Variants in SGK3 observed in about 807,000 individuals in gnomAD.
The protein encoded by SGK3 is serine/threonine-protein kinase Sgk3.
In SGK3, 47 loss-of-function variants were observed where a neutral mutation model predicts 68.5. The ratio of observed to expected loss-of-function variants is 0.69; its 90% CI spans 0.54 to 0.87. The LOEUF is 0.87. SGK3 is among the 40% of genes least tolerant of loss of function. SGK3 has a pLI of 0.00. For missense variants in SGK3, 479 were observed against 575.5 expected, an observed-to-expected ratio of 0.83 and a Z score of 1.72; for synonymous variants, 181 against 189.1, an observed-to-expected ratio of 0.96 and a Z score of 0.35.
At position 66,805,392 on chromosome 8, in the gene SGK3, G is replaced by A. The variant is rs538154543; in HGVS notation, c.253+945G>A. On this transcript the variant is annotated intron_variant, in intron 4 of 16. Coordinates refer to ENST00000521198, the MANE Select transcript of SGK3 (RefSeq NM_001033578.3). The stretch of plus-strand genomic sequence containing the variant: ...AAATTAGCCGGGCATGATGGTGGGC[G>A]CCTGTAGTCCCAGCTACTCGGGAGG... 2.3e-3 allele frequency among the ~76,000 whole-genome samples: 344 copies of A among 151,608 alleles called. 1 individual carries two copies. The highest frequency in any genetic ancestry group is 8.0e-3 in the African/African-American group (331 of 41,332).
intron 1 of SGK3, among the ~76,000 whole-genome samples, chr8:66,750,406 G>A (rs1464099757): frequency 1.3e-5 from 2 of 152,022 alleles, no homozygotes; most frequent in Admixed American, 6.6e-5. Context: ...TATTTGTCTA[G>A]GTGCTAGAGA....
intron 2 of SGK3, among the ~76,000 whole-genome samples, chr8:66,797,523 A>G (rs949728402): frequency 6.6e-6 from 1 of 152,164 alleles, no homozygotes; most frequent in African/African-American, 2.4e-5. Context: ...TGTCTCATGT[A>G]TAGTGGGGGG....
chr8:66,783,332 T>C (rs1452720294), intron 1 of SGK3, among the ~76,000 whole-genome samples: 1 of 152,118 alleles, frequency 6.6e-6, no homozygotes, highest in African/African-American at 2.4e-5. Context: ...GTTTAAAGAG[T>C]TTTTTGTGTA....
chr8:66,731,767 C>T (rs1242040767), intron 1 of SGK3, among the ~76,000 whole-genome samples: 1 of 152,204 alleles, frequency 6.6e-6, no homozygotes, highest in African/African-American at 2.4e-5. Context: ...ATCTCCTGAC[C>T]TCGTGATCCG....
intron 1 of SGK3, among the ~76,000 whole-genome samples, chr8:66,780,286 GTC>G (rs921045138): frequency 2.0e-5 from 3 of 152,088 alleles, no homozygotes; most frequent in Admixed American, 6.6e-5. Flanking sequence ...ATTTCTAAAC[GTC>G]TCTCTCCACC....
chr8:66,765,017 A>AT (rs1806276591), intron 1 of SGK3, among the ~76,000 whole-genome samples: 1 of 152,214 alleles, frequency 6.6e-6, no homozygotes, highest in Non-Finnish European at 1.5e-5. Flanking sequence ...GCTGTGAACA[A>AT]ACATGTGCAA....
chr8:66,804,493 T>C (rs539941040), intron 4 of SGK3, 46 bp downstream of exon 4: 1 of 1,586,046 alleles, frequency 6.3e-7, no homozygotes, highest in Non-Finnish European at 8.6e-7. Flanking sequence ...TTGTTGAAGT[T>C]TGAAGAAGTA....
chr8:66,815,994 T>A (rs1376043489), intron 5 of SGK3, among the ~76,000 whole-genome samples: 1 of 151,620 alleles, frequency 6.6e-6, no homozygotes, highest in Admixed American at 6.6e-5. Context: ...TAGTCAAGAG[T>A]TTTTTAAACT....
chr8:66,845,215 A>G (rs1187991073), intron 14 of SGK3, among the ~76,000 whole-genome samples: 1 of 152,178 alleles, frequency 6.6e-6, no homozygotes, highest in Non-Finnish European at 1.5e-5. Flanking sequence ...CCTGTCCAAC[A>G]TGGCAAAACC....
intron 2 of SGK3, 78 bp from the exon 3 acceptor site, chr8:66,798,464 A>G: frequency 7.7e-7 from 1 of 1,295,948 alleles, no homozygotes; most frequent in Non-Finnish European, 1.1e-6. Context: ...AAATTAAAAC[A>G]GGTTTCATGT....
chr8:66,850,762 TAAA>T, intron 15 of SGK3, 66 bp from the exon 16 acceptor site: 1 of 1,463,768 alleles, frequency 6.8e-7, no homozygotes, highest in Non-Finnish European at 9.2e-7. Context: ...TTTGGCTTCA[TAAA>T]ATTATGCAGT....
chr8:66,787,278 C>T (rs1348034245), intron 1 of SGK3, among the ~76,000 whole-genome samples: 1 of 152,044 alleles, frequency 6.6e-6, no homozygotes, highest in East Asian at 1.9e-4. Flanking sequence ...GCATGATGAG[C>T]ACTCAATAAG....
chr8:66,825,460 C>A (rs1056753981), intron 6 of SGK3, among the ~76,000 whole-genome samples: 1 of 151,846 alleles, frequency 6.6e-6, no homozygotes, highest in East Asian at 1.9e-4. Flanking sequence ...TCCCGAGGAG[C>A]TGGGACTACA....
Position 66,850,930 on chromosome 8 carries a change from T to C in SGK3, c.1320+10T>C, listed in dbSNP as rs1810256852. On this transcript the variant is annotated intron_variant, in intron 16 of 16. Transcript: ENST00000521198. ...ATTTAATCCTAATGTGGTAAGTATA[T>C]ATCCAAATCTTTCTTTCTAGAATCG... 5.6e-6 allele frequency: 9 copies of C among 1,599,248 alleles called. No individual in the cohort carries two copies. The highest frequency in any genetic ancestry group is 7.7e-6 in the Non-Finnish European group (9 of 1,173,106).
intron 1 of SGK3, among the ~76,000 whole-genome samples, chr8:66,761,767 T>TA (rs980513068): frequency 1.5e-4 from 22 of 148,324 alleles, no homozygotes; most frequent in African/African-American, 3.7e-4. Context: ...AGACTCTCTC[T>TA]AAAAAAAAAA....
intron 1 of SGK3, among the ~76,000 whole-genome samples, chr8:66,740,250 A>C (rs982197097): frequency 2.0e-5 from 3 of 152,234 alleles, no homozygotes; most frequent in African/African-American, 7.2e-5. Flanking sequence ...CATTAAAATT[A>C]CTTATTGATA....
At chr8:66,742,708 A>G (rs966839751) in intron 1 of SGK3, among the ~76,000 whole-genome samples, 3 of 152,316 alleles carry the variant, frequency 2.0e-5, no homozygotes, top group South Asian at 4.1e-4. Context: ...TATAAAATTA[A>G]TAAGTCAGTC....
intron 1 of SGK3, among the ~76,000 whole-genome samples, chr8:66,740,255 T>C (rs529581072): frequency 2.0e-5 from 3 of 152,320 alleles, no homozygotes; most frequent in East Asian, 1.9e-4. Flanking sequence ...AAATTACTTA[T>C]TGATACAGAA....
intron 1 of SGK3, among the ~76,000 whole-genome samples, chr8:66,788,388 G>A (rs1807296343): frequency 6.6e-6 from 1 of 152,180 alleles, no homozygotes; most frequent in Admixed American, 6.5e-5. Context: ...CTAGTAACAA[G>A]CCAGGAACCA....
Sources: allele counts gnomAD v4.1 joint callset (sites outside exome capture counted in the v4.1 genomes callset), GRCh38; gene constraint gnomAD v4.1.1; transcripts MANE v1.5; gene names NCBI Gene and HGNC (gene_info 2026-07-23, HGNC 2026-07-21).